The following FAM167A variants were observed in gnomAD, a reference collection of about 807,000 sequenced individuals.
FAM167A encodes protein FAM167A.
Under a neutral mutation model 14.9 loss-of-function variants are expected in FAM167A, and 23 were observed. That is an observed-to-expected ratio of 1.55 (90% CI 1.11 to 2.19). The LOEUF is 2.19. FAM167A is among the 30% of genes most tolerant of loss of function. FAM167A has a pLI of 0.00. For synonymous variants in FAM167A, 174 were observed against 117.7 expected (o/e 1.48, Z -3.10); for missense variants, 401 against 281.5 (o/e 1.42, Z -3.04).
chr8:11,430,240 A>G (rs1563360497), intron 2 of FAM167A, among the ~76,000 whole-genome samples: 1 of 152,228 alleles, frequency 6.6e-6, no homozygotes, highest in African/African-American at 2.4e-5. Context: ...AGGGCACAGA[A>G]CTTGTTGAAA....
At chr8:11,441,489 TGA>T (rs2117072735) in intron 2 of FAM167A, among the ~76,000 whole-genome samples, 1 of 152,354 alleles carries the variant, frequency 6.6e-6, no homozygotes, top group South Asian at 2.1e-4. Flanking sequence ...GTCAATGCTC[TGA>T]GAGATTCTCT....
chr8:11,430,860 G>A lies in FAM167A; in HGVS notation c.382-6224C>T, dbSNP rs957052786. On this transcript the variant is annotated intron_variant, in intron 2 of 2. Coordinates refer to ENST00000284486, the MANE Select transcript of FAM167A (RefSeq NM_053279.3). ...CCGAGGACATTCAGATCATAGAAAA[G>A]TCTAATGCATCAAGCCAGTGGTTTG... Among the ~76,000 whole-genome samples the A allele has an allele frequency of 2.0e-5, 3 of 152,182 alleles. No individual in the cohort carries two copies. In the South Asian group the frequency reaches 6.2e-4, roughly 32 times the overall value.
At chr8:11,454,966 C>G (rs1563385516) in intron 1 of FAM167A, among the ~76,000 whole-genome samples, 1 of 151,298 alleles carries the variant, frequency 6.6e-6, no homozygotes, top group Non-Finnish European at 1.5e-5. Context: ...CAGGAGGGAC[C>G]CTGCTGTCTA....
At chr8:11,456,589 G>C (rs1034303114) in intron 1 of FAM167A, among the ~76,000 whole-genome samples, 1 of 151,262 alleles carries the variant, frequency 6.6e-6, no homozygotes, top group African/African-American at 2.4e-5. Context: ...ATGAGTGTGA[G>C]AGTGTGGGTA....
chr8:11,459,980 G>A (rs564944204), intron 1 of FAM167A, among the ~76,000 whole-genome samples: 12 of 152,280 alleles, frequency 7.9e-5, no homozygotes, highest in African/African-American at 1.4e-4. Context: ...TGCCTGCCTC[G>A]GCCTCCCAAA....
intron 2 of FAM167A, among the ~76,000 whole-genome samples, chr8:11,441,208 C>T (rs1043764576): frequency 6.6e-6 from 1 of 152,184 alleles, no homozygotes; most frequent in African/African-American, 2.4e-5. Context: ...AGCCCCAAGC[C>T]ACATGGGCAG....
intron 1 of FAM167A, among the ~76,000 whole-genome samples, chr8:11,456,563 T>G (rs904523824): frequency 6.6e-6 from 1 of 151,414 alleles, no homozygotes; most frequent in Non-Finnish European, 1.5e-5. Flanking sequence ...TGGGGGGTGG[T>G]TGCATTGCTG....
chr8:11,466,432 G>A (rs1013300958), intron 1 of FAM167A, among the ~76,000 whole-genome samples, 194 bp downstream of exon 1: 2 of 146,756 alleles, frequency 1.4e-5, no homozygotes, highest in Non-Finnish European at 1.5e-5. Context: ...GCGAACCCGC[G>A]GGAGCGCATG....
intron 1 of FAM167A, among the ~76,000 whole-genome samples, chr8:11,455,385 G>T (rs367703269): frequency 2.3e-5 from 3 of 129,134 alleles, no homozygotes; most frequent in Non-Finnish European, 3.3e-5. Context: ...GTTGCCTTGC[G>T]TGAGTGTGAT....
intron 1 of FAM167A, among the ~76,000 whole-genome samples, chr8:11,459,425 C>A (rs932237150): frequency 6.6e-6 from 1 of 152,176 alleles, no homozygotes; most frequent in Non-Finnish European, 1.5e-5. Flanking sequence ...ACCTCAGGGG[C>A]AAATAACACT....
intron 1 of FAM167A, among the ~76,000 whole-genome samples, chr8:11,465,450 G>T (rs1204365826): frequency 6.6e-6 from 1 of 152,222 alleles, no homozygotes; most frequent in African/African-American, 2.4e-5. Context: ...TGATGGGGAG[G>T]ATGGAGTGAC....
At chr8:11,433,977 A>G (rs1419993402) in intron 2 of FAM167A, 1 of 152,336 alleles carries the variant, frequency 6.6e-6, no homozygotes, top group Non-Finnish European at 1.5e-5. Context: ...AAGCCTGGGT[A>G]AAATTGTATT....
intron 2 of FAM167A, among the ~76,000 whole-genome samples, chr8:11,426,559 T>G (rs574732382): frequency 1.3e-5 from 2 of 152,184 alleles, no homozygotes; most frequent in Non-Finnish European, 2.9e-5. Flanking sequence ...TTTAGAAAGT[T>G]TATTTTGCCG....
chr8:11,457,762 C>T (rs1807390817), intron 1 of FAM167A, among the ~76,000 whole-genome samples: 1 of 152,182 alleles, frequency 6.6e-6, no homozygotes, highest in Non-Finnish European at 1.5e-5. Context: ...GAAAGCTCAT[C>T]CGAGGGCTCG....
intron 1 of FAM167A, among the ~76,000 whole-genome samples, chr8:11,456,136 T>A (rs1807274724): frequency 1.7e-4 from 5 of 29,056 alleles, no homozygotes; most frequent in East Asian, 9.7e-4. Context: ...GTTGCCTTGC[T>A]GTGTGTGTGT....
At chr8:11,470,377 A>C (rs1252478895), upstream of FAM167A, among the ~76,000 whole-genome samples, 2 of 152,298 alleles carry the variant, frequency 1.3e-5, no homozygotes, top group East Asian at 1.9e-4. Context: ...TGCCTGCCAC[A>C]ATCAGGGGCC....
chr8:11,462,087 C>A (rs1299374124), intron 1 of FAM167A, among the ~76,000 whole-genome samples: 2 of 152,202 alleles, frequency 1.3e-5, no homozygotes, highest in Non-Finnish European at 2.9e-5. Flanking sequence ...GCCTGAGTGC[C>A]CGCAGGCAGG....
intron 1 of FAM167A, among the ~76,000 whole-genome samples, chr8:11,446,801 G>A (rs748506159): frequency 6.6e-6 from 1 of 152,220 alleles, no homozygotes; most frequent in African/African-American, 2.4e-5. Flanking sequence ...CTTATCAGCT[G>A]CTTTCTGGGG....
chr8:11,433,425 C>T (rs1805758331), intron 2 of FAM167A, among the ~76,000 whole-genome samples: 1 of 152,114 alleles, frequency 6.6e-6, no homozygotes, highest in African/African-American at 2.4e-5. Context: ...GCTTCCATTC[C>T]TGAAGAATGT....
Sources: gnomAD v4.1 joint callset for allele counts (sites outside exome capture counted in the v4.1 genomes callset) on GRCh38, gnomAD v4.1.1 for gene constraint, MANE v1.5 for transcripts, NCBI Gene and HGNC (gene_info 2026-07-23, HGNC 2026-07-21) for gene names.